MX2: variants seen among roughly 807,000 people sequenced by gnomAD.
MX2 encodes the protein interferon-induced GTP-binding protein Mx2.
A neutral mutation model predicts 74.0 loss-of-function variants in MX2; 51 were observed. The ratio of observed to expected loss-of-function variants is 0.69; its 90% CI spans 0.55 to 0.87. MX2 has a LOEUF of 0.87. Ranked by LOEUF, MX2 falls within the 40% of genes least tolerant of loss-of-function variation. The probability of loss-of-function intolerance (pLI) is 0.00; values close to 1 mark genes in which losing one functional copy is unlikely to be tolerated. For missense variants in MX2, 832 were observed against 908.7 expected (o/e 0.92, Z 1.09); for synonymous variants, 369 against 339.3 (o/e 1.09, Z -0.96).
rs1235541014 is a variant in MX2 at position 41,363,177 on chromosome 21, C to T, written c.-72+1122C>T. On this transcript the variant is annotated intron_variant, in intron 1 of 13. Coordinates refer to ENST00000330714, the MANE Select transcript of MX2 (RefSeq NM_002463.2). This position sits in a 1 kb window ranked among gnomAD's most constrained non-coding sequence, Gnocchi z 4.2. Reference sequence around the variant, plus strand: ...CCTCGCACCCTCTCCTCCGTTTACTCTGCTCTACTTCCCAGCCCCGCGCCA... The same window carrying T: ...CCTCGCACCCTCTCCTCCGTTTACTTTGCTCTACTTCCCAGCCCCGCGCCA... 6.6e-6 allele frequency: 1 copy of T among 152,292 alleles called. No individual in the cohort carries two copies. Among genetic ancestry groups the T allele is most frequent in the East Asian group, 1.9e-4 (1 of 5,198 alleles). 9.4% of individuals were successfully genotyped at this position (152,292 alleles called of 1,614,324 possible). A position where few individuals can be genotyped will look rare whatever the true frequency, so the allele number is the denominator to read the frequency against.
intron 4 of MX2, among the ~76,000 whole-genome samples, chr21:41,381,684 C>CAAAAAAAAAAAAAAAAAAAAAAAAAAA (rs57350601): frequency 3.4e-5 from 2 of 58,444 alleles, no homozygotes; most frequent in African/African-American, 1.1e-4. Flanking sequence ...GACTCTGTCT[C>CAAAAAAAAAAAAAAAAAAAAAAAAAAA]AAAAAAAAAA....
intron 6 of MX2, among the ~76,000 whole-genome samples, chr21:41,394,476 C>T (rs1191478652): frequency 6.6e-6 from 1 of 152,184 alleles, no homozygotes; most frequent in Non-Finnish European, 1.5e-5. Context: ...GCACCGCTGC[C>T]CACGGTCATT....
Position 41,380,041 on chromosome 21 carries a change from T to A in MX2, c.467T>A (p.Val156Glu). Residue 156 changes from valine to glutamate, a missense_variant, in exon 4 of 14, where the codon GTG (valine) becomes GAG (glutamate). By Grantham distance (121) the Val-to-Glu change is moderately radical. Transcript: ENST00000330714. The surrounding 1 kb of genome is among the most constrained non-coding windows in gnomAD (Gnocchi z 4.3). ...GGAATCGTAACCAGGTGTCCGCTGG[T>A]GCTGAAACTGAAAAAGCAGCCCTGT... ...GSGIVTRCPLVLKLKKQPCEA... is the reference protein window; with the variant it reads ...GSGIVTRCPLELKLKKQPCEA... 2 of 1,614,024 alleles carry A rather than the reference T, an allele frequency of 1.2e-6. No individual in the cohort carries two copies. The highest frequency in any genetic ancestry group is 1.7e-6 in the Non-Finnish European group (2 of 1,179,932).
At chr21:41,369,136 G>C (rs963998221) in intron 1 of MX2, among the ~76,000 whole-genome samples, 9 of 152,236 alleles carry the variant, frequency 5.9e-5, no homozygotes, top group African/African-American at 2.2e-4. Context: ...AACGTTTTAC[G>C]AACCCAGGGC....
At chr21:41,407,876 A>C in intron 13 of MX2, 115 bp from the exon 14 acceptor site, 1 of 1,398,608 alleles carries the variant, frequency 7.1e-7, no homozygotes, top group Non-Finnish European at 9.9e-7. Flanking sequence ...GGGCGAGACC[A>C]CCAGGGCTTC....
chr21:41,367,317 A>AT (rs940704637), intron 1 of MX2: 49 of 147,302 alleles, frequency 3.3e-4, no homozygotes, highest in South Asian at 6.4e-4. Context: ...CTTGAGTGAA[A>AT]TTTTTTTTTT....
chr21:41,401,776 T>C (rs1228820696), intron 10 of MX2, 194 bp from the exon 11 acceptor site: 1 of 537,250 alleles, frequency 1.9e-6, no homozygotes, highest in Non-Finnish European at 3.2e-6. Context: ...AATAAGATTT[T>C]TTTCCCCCAA....
chr21:41,374,127 TGTAA>T (rs1378482393), intron 1 of MX2: 2 of 152,272 alleles, frequency 1.3e-5, no homozygotes, highest in Non-Finnish European at 2.9e-5. Flanking sequence ...GCTTATAAGA[TGTAA>T]GTAATAGTAC....
At chr21:41,387,822 C>T (rs1257321049) in intron 5 of MX2, among the ~76,000 whole-genome samples, 2 of 152,198 alleles carry the variant, frequency 1.3e-5, no homozygotes, top group African/African-American at 2.4e-5. Flanking sequence ...GTCCAAGCAA[C>T]ACCCGATCTT....
chr21:41,398,295 G>C (rs1222475343), intron 8 of MX2, among the ~76,000 whole-genome samples: 1 of 151,980 alleles, frequency 6.6e-6, no homozygotes, highest in Non-Finnish European at 1.5e-5. Context: ...GGCAACAACA[G>C]CAAAATTCCA....
At chr21:41,384,085 C>T (rs1236888864) in intron 5 of MX2, among the ~76,000 whole-genome samples, 1 of 152,130 alleles carries the variant, frequency 6.6e-6, no homozygotes. Context: ...AAGTGTGGCA[C>T]TTTCTTGTTC....
In MX2 at chr21:41,406,974, C is replaced by T; in HGVS notation, c.1881C>T (p.Gly627=). The change falls in exon 13 of 14, where the codon GGC becomes GGT. Residue 627 remains glycine, a synonymous_variant. Transcript: ENST00000330714. The part of the protein sequence containing the change: ...ESSVSSFTEI[G]IHLNAYFLET... ...CGGTTTCCTCCTTTACTGAAATAGGCATCCACCTGAATGCCTACTTCTTGG... is the reference window on the plus strand; with the variant it reads ...CGGTTTCCTCCTTTACTGAAATAGGTATCCACCTGAATGCCTACTTCTTGG... The T allele has an allele frequency of 1.2e-6, 2 of 1,613,228 alleles. No individual in the cohort carries two copies. The highest frequency in any genetic ancestry group is 2.2e-5 in the South Asian group (2 of 91,080).
intron 10 of MX2, chr21:41,399,549 G>C (rs2089783436): frequency 2.1e-6 from 1 of 485,316 alleles, no homozygotes; most frequent in Non-Finnish European, 3.7e-6. Context: ...CACTGCCTCT[G>C]ATGTCCTCGT....
At chr21:41,378,821 T>TGCTCCTG (rs2089449580) in intron 3 of MX2, among the ~76,000 whole-genome samples, 1 of 152,112 alleles carries the variant, frequency 6.6e-6, no homozygotes, top group African/African-American at 2.4e-5. Context: ...AGGAGCAGCA[T>TGCTCCTG]GCAGGGGCCC....
intron 3 of MX2, among the ~76,000 whole-genome samples, chr21:41,379,766 G>T (rs899606534): frequency 5.3e-5 from 8 of 152,228 alleles, no homozygotes; most frequent in Non-Finnish European, 1.0e-4. Flanking sequence ...ATAGCCACTT[G>T]CTCATGTCCA....
At chr21:41,401,799 C>A in intron 10 of MX2, 171 bp from the exon 11 acceptor site, 1 of 608,768 alleles carries the variant, frequency 1.6e-6, no homozygotes, top group South Asian at 3.0e-5. Flanking sequence ...GTCAGTATTT[C>A]TTAAACTCCT....
chr21:41,365,286 A>G (rs1380510957), intron 1 of MX2: 1 of 152,110 alleles, frequency 6.6e-6, no homozygotes, highest in African/African-American at 2.4e-5. Context: ...ACATGGGTAG[A>G]TTGTGTCATG....
intron 1 of MX2, among the ~76,000 whole-genome samples, chr21:41,367,873 C>T (rs2145853027): frequency 6.6e-6 from 1 of 152,314 alleles, no homozygotes; most frequent in Non-Finnish European, 1.5e-5. Context: ...CAGTAGCTCC[C>T]TCCTGGATTC....
chr21:41,402,288 C>T lies in MX2; in HGVS notation c.1573+160C>T. On this transcript the variant is annotated intron_variant, in intron 11 of 13. Coordinates refer to ENST00000330714, the MANE Select transcript of MX2 (RefSeq NM_002463.2). This position sits in a 1 kb window ranked among gnomAD's most constrained non-coding sequence, Gnocchi z 4.5. ...CTCTGTGTGGTCTGTGAGCCAGCAG[C>T]ACTGGCAAGGCCTGAGAGCTGGTCA... 1.2e-6 allele frequency: 1 copy of T among 830,380 alleles called. No individual in the cohort carries two copies. Among genetic ancestry groups the T allele is most frequent in the East Asian group, 2.8e-5 (1 of 36,040 alleles). 51.4% of individuals were successfully genotyped at this position (830,380 alleles called of 1,614,324 possible). A position where few individuals can be genotyped will look rare whatever the true frequency, so the allele number is the denominator to read the frequency against.
Sources: allele counts gnomAD v4.1 joint callset (sites outside exome capture counted in the v4.1 genomes callset), GRCh38; gene constraint gnomAD v4.1.1; non-coding constraint Gnocchi (gnomAD v3.1); transcripts MANE v1.5; gene names NCBI Gene and HGNC (gene_info 2026-07-23, HGNC 2026-07-21).